Variants in ITCH observed in about 807,000 individuals in gnomAD.
ITCH encodes E3 ubiquitin-protein ligase Itchy homolog.
In ITCH, 28 loss-of-function variants were observed where a neutral mutation model predicts 126.8. The observed-to-expected ratio is 0.22, with a 90% confidence interval of 0.16 to 0.30. The LOEUF (loss-of-function observed/expected upper bound fraction) is 0.30. Among genes scored for constraint, ITCH ranks in the 10% least tolerant of loss-of-function variants. The pLI is 1.00. For synonymous variants in ITCH, 342 were observed against 340.0 expected, an observed-to-expected ratio of 1.01 and a Z score of -0.06; for missense variants, 631 against 1,032.4, an observed-to-expected ratio of 0.61 and a Z score of 5.33.
chr20:34,421,308 C>G (rs1980732252), intron 6 of ITCH, among the ~76,000 whole-genome samples: 1 of 152,034 alleles, frequency 6.6e-6, no homozygotes, highest in Non-Finnish European at 1.5e-5. Context: ...TTTGAGATTG[C>G]TAGACACCCA....
At chr20:34,420,656 T>C (rs1335012059) in intron 6 of ITCH, among the ~76,000 whole-genome samples, 1 of 152,080 alleles carries the variant, frequency 6.6e-6, no homozygotes, top group Non-Finnish European at 1.5e-5. Context: ...TTCCTTGTAA[T>C]TTTTTTTGAT....
At chr20:34,490,986 T>A (rs1251464646) in intron 22 of ITCH, among the ~76,000 whole-genome samples, 1 of 152,212 alleles carries the variant, frequency 6.6e-6, no homozygotes, top group Non-Finnish European at 1.5e-5. Flanking sequence ...GTCAAAAATA[T>A]CTTGAGTTGA....
intron 22 of ITCH, 99 bp downstream of exon 22, chr20:34,490,025 G>A: frequency 2.5e-6 from 2 of 785,022 alleles, no homozygotes; most frequent in Non-Finnish European, 2.2e-6. Context: ...ATGTACCAGT[G>A]TATATAGACC....
intron 7 of ITCH, among the ~76,000 whole-genome samples, chr20:34,432,285 G>C (rs1655967683): frequency 6.6e-6 from 1 of 152,002 alleles, no homozygotes; most frequent in African/African-American, 2.4e-5. Flanking sequence ...ATTCATTGCT[G>C]AATAAATTTA....
chr20:34,421,598 T>C (rs375595138), intron 6 of ITCH, among the ~76,000 whole-genome samples: 1 of 143,260 alleles, frequency 7.0e-6, no homozygotes, highest in African/African-American at 2.5e-5. Context: ...TAGATTTTTG[T>C]TGTTGTTGTT....
intron 3 of ITCH, among the ~76,000 whole-genome samples, chr20:34,408,271 G>A (rs1978428695): frequency 6.6e-6 from 1 of 152,102 alleles, no homozygotes; most frequent in Non-Finnish European, 1.5e-5. Context: ...ATGAGGTCTC[G>A]CTATGTTTTC....
chr20:34,421,241 A>C (rs1980724080), intron 6 of ITCH, among the ~76,000 whole-genome samples: 1 of 152,094 alleles, frequency 6.6e-6, no homozygotes, highest in South Asian at 2.1e-4. Flanking sequence ...CAGCTTTTTG[A>C]GTAGCTGGGA....
intron 6 of ITCH, among the ~76,000 whole-genome samples, chr20:34,422,417 G>A (rs1458665766): frequency 6.6e-6 from 1 of 152,168 alleles, no homozygotes; most frequent in East Asian, 1.9e-4. Flanking sequence ...AATACTAATA[G>A]ACACATTTTA....
intron 7 of ITCH, among the ~76,000 whole-genome samples, chr20:34,436,082 A>C (rs1188071607): frequency 6.6e-6 from 1 of 152,214 alleles, no homozygotes; most frequent in African/African-American, 2.4e-5. Flanking sequence ...AAAATTCCCC[A>C]AATTTTAATC....
chr20:34,389,670 A>G (rs2038415080), intron 2 of ITCH, among the ~76,000 whole-genome samples: 1 of 152,202 alleles, frequency 6.6e-6, no homozygotes, highest in African/African-American at 2.4e-5. Flanking sequence ...CCCTACAACC[A>G]CTAGAAAGTG....
chr20:34,487,867 T>G (rs1600477704), intron 20 of ITCH, among the ~76,000 whole-genome samples: 1 of 152,090 alleles, frequency 6.6e-6, no homozygotes, highest in African/African-American at 2.4e-5. Flanking sequence ...TGAACCCAGG[T>G]GGCGGAGGTT....
rs1052634120 is a variant in ITCH at position 34,437,587 on chromosome 20, G to C, written c.522-887G>C. Among the ~76,000 whole-genome samples the C allele has an allele frequency of 2.0e-5, 3 of 152,178 alleles. No homozygotes were observed. In the South Asian group the frequency reaches 6.2e-4, roughly 32 times the overall value. The stretch of plus-strand genomic sequence containing the variant: ...TTCCCAAAGTGCTGCAATTACAAGC[G>C]TGAGCCACAGCACCCGGCCTCTGTT... On this transcript the variant is annotated intron_variant, in intron 7 of 24. Coordinates refer to ENST00000374864, the MANE Select transcript of ITCH (RefSeq NM_031483.7).
At chr20:34,481,338 G>C in intron 20 of ITCH, 132 bp downstream of exon 20, 1 of 999,984 alleles carries the variant, frequency 1.0e-6, no homozygotes, top group Non-Finnish European at 1.5e-6. Context: ...TATGTAGGCA[G>C]TCATTTTTCA....
chr20:34,468,946 C>T, intron 14 of ITCH, among the ~76,000 whole-genome samples: 1 of 152,060 alleles, frequency 6.6e-6, no homozygotes, highest in East Asian at 1.9e-4. Context: ...GTGAATTTAA[C>T]AGCGTAACAG....
rs142252710 is a variant in ITCH at position 34,469,094 on chromosome 20, C to T, written c.1425-954C>T. Among the ~76,000 whole-genome samples, 661 of 152,230 alleles carry T rather than the reference C, an allele frequency of 4.3e-3. 7 individuals carry two copies. The highest frequency in any genetic ancestry group is 0.015 in the African/African-American group (620 of 41,546). On this transcript the variant is annotated intron_variant, in intron 14 of 24. Transcript: ENST00000374864. ...GGTGTCATAGTGATCTAAAATTCTTCTGTCTTTTCTACCATCCTAGAGTAT... is the reference window on the plus strand; with the variant it reads ...GGTGTCATAGTGATCTAAAATTCTTTTGTCTTTTCTACCATCCTAGAGTAT...
At chr20:34,388,487 C>T (rs1381261351) in intron 2 of ITCH, among the ~76,000 whole-genome samples, 6 of 152,002 alleles carry the variant, frequency 3.9e-5, no homozygotes, top group South Asian at 2.1e-4. Flanking sequence ...TGGTCTCTGG[C>T]GATCTTTGTG....
At chr20:34,434,959 T>C (rs1982813398) in intron 7 of ITCH, among the ~76,000 whole-genome samples, 1 of 152,188 alleles carries the variant, frequency 6.6e-6, no homozygotes, top group South Asian at 2.1e-4. Flanking sequence ...TTAATTTTTT[T>C]CTATCTTTTG....
At chr20:34,431,863 A>AACC (rs1982339696) in intron 7 of ITCH, among the ~76,000 whole-genome samples, 2 of 152,082 alleles carry the variant, frequency 1.3e-5, no homozygotes. Flanking sequence ...AACATGGTGA[A>AACC]ACCCCATCTC....
intron 7 of ITCH, among the ~76,000 whole-genome samples, chr20:34,427,843 T>C (rs1047886219): frequency 5.3e-5 from 8 of 152,196 alleles, no homozygotes; most frequent in Non-Finnish European, 7.3e-5. Flanking sequence ...ATGTAAAAGG[T>C]TCTGTTATGC....
Sources: allele counts gnomAD v4.1 joint callset (sites outside exome capture counted in the v4.1 genomes callset), GRCh38; gene constraint gnomAD v4.1.1; transcripts MANE v1.5; gene names NCBI Gene and HGNC (gene_info 2026-07-23, HGNC 2026-07-21).